Variants in CYB561D1 observed in about 807,000 individuals in gnomAD.
CYB561D1 encodes the protein probable transmembrane reductase CYB561D1.
In CYB561D1, 15 loss-of-function variants were observed where a neutral mutation model predicts 19.2. The observed-to-expected ratio is 0.78, with a 90% confidence interval of 0.52 to 1.20. The LOEUF (loss-of-function observed/expected upper bound fraction) is 1.20. Among genes scored for constraint, CYB561D1 ranks in the 50% most tolerant of loss-of-function variants. CYB561D1 has a pLI of 0.00. For synonymous variants in CYB561D1, 133 were observed against 120.6 expected (o/e 1.10, Z -0.68); for missense variants, 297 against 287.3 (o/e 1.03, Z -0.24).
intron 2 of CYB561D1, 28 bp downstream of exon 2, chr1:109,495,208 T>C (rs1462861004): frequency 1.2e-6 from 2 of 1,613,636 alleles, no homozygotes; most frequent in Non-Finnish European, 1.7e-6. Context: ...TCTGATTTGT[T>C]TGGGTATTCC....
chr1:109,494,128 C>G lies in CYB561D1; in HGVS notation c.-12C>G, dbSNP rs1268368575. The G allele has an allele frequency of 6.7e-7, 1 of 1,494,360 alleles. No individual in the cohort carries two copies. Among genetic ancestry groups the G allele is most frequent in the Non-Finnish European group, 9.0e-7 (1 of 1,116,796 alleles). The allele number at this position is 1,494,360 out of a possible 1,614,324, so 92.6% of individuals were successfully genotyped here. The stretch of plus-strand genomic sequence containing the variant: ...CGGGCAGCTGGAGTGTACGGGCCCG[C>G]GGGCCACGGCCATGCAGCCCCTGGA... On this transcript the variant is annotated 5_prime_UTR_variant, in exon 1 of 3. Coordinates refer to ENST00000420578, the MANE Select transcript of CYB561D1 (RefSeq NM_182580.3).
Position 109,494,244 on chromosome 1 carries a change from G to A in CYB561D1, c.105G>A (p.Leu35=), listed in dbSNP as rs1240283623. ...GSGILAHLVA[L]GFTIFLTALS... ...GGATCTTGGCGCACCTGGTAGCTTT[G>A]GGCTTCACCATCTTTCTGACAGCGC... is the stretch of plus-strand genomic sequence containing the variant. The change falls in exon 1 of 3, where the codon TTG becomes TTA. Residue 35 remains leucine (L), a synonymous_variant. Coordinates refer to ENST00000420578, the MANE Select transcript of CYB561D1 (RefSeq NM_182580.3). 2.5e-6 allele frequency: 4 copies of A among 1,583,294 alleles called. No homozygotes were observed. Among genetic ancestry groups the A allele is most frequent in the South Asian group, 1.2e-5 (1 of 86,628 alleles).
chr1:109,495,431 A>G (rs1007953735), intron 2 of CYB561D1, among the ~76,000 whole-genome samples: 2 of 152,056 alleles, frequency 1.3e-5, no homozygotes, highest in African/African-American at 2.4e-5. Context: ...CGGAAAGGAG[A>G]AGGGGGGAGA....
chr1:109,498,932 A>C lies in CYB561D1; in HGVS notation c.*2673A>C, dbSNP rs959883625. On this transcript the variant is annotated 3_prime_UTR_variant, in exon 3 of 3. Transcript: ENST00000420578. ...GTCATTTGCACAAATTTTCATATCAAGCTAAGTCCTGATTCCAAATTTGAT... is the reference window on the plus strand; with the variant it reads ...GTCATTTGCACAAATTTTCATATCACGCTAAGTCCTGATTCCAAATTTGAT... The C allele has an allele frequency of 2.6e-5, 4 of 152,016 alleles. No individual in the cohort carries two copies. Among genetic ancestry groups the C allele is most frequent in the African/African-American group, 9.7e-5 (4 of 41,368 alleles). 9.4% of individuals were successfully genotyped at this position (152,016 alleles called of 1,614,324 possible).
In CYB561D1 at chr1:109,499,717, G is replaced by C. The variant is rs1288203857; in HGVS notation, c.*3458G>C. The C allele has an allele frequency of 2.6e-5, 4 of 152,222 alleles. No homozygotes were observed. Among genetic ancestry groups the C allele is most frequent in the African/African-American group, 7.2e-5 (3 of 41,442 alleles). The allele number at this position is 152,222 out of a possible 1,614,324, so 9.4% of individuals were successfully genotyped here. ...ATCCTCCCTAAGCCAGCTGGCCGCT[G>C]TGCTAAAGCCTGTTCAGAGTTAATA... On this transcript the variant is annotated 3_prime_UTR_variant, in exon 3 of 3. Coordinates refer to ENST00000420578, the MANE Select transcript of CYB561D1 (RefSeq NM_182580.3).
chr1:109,494,829 T>C lies in CYB561D1; in HGVS notation c.149-314T>C, dbSNP rs552608640. 4.1e-5 allele frequency among the ~76,000 whole-genome samples: 6 copies of C among 148,084 alleles called. 1 individual carries two copies. In the East Asian group the frequency reaches 1.2e-3, roughly 29 times the overall value. Reference sequence around the variant, plus strand: ...TCCACCCTGTGCGACAGAGCGAGACTCCGTATCAAAAAAAAAACAAAAAAC... The same window carrying C: ...TCCACCCTGTGCGACAGAGCGAGACCCCGTATCAAAAAAAAAACAAAAAAC... On this transcript the variant is annotated intron_variant, in intron 1 of 2. Transcript: ENST00000420578.
At position 109,495,958 on chromosome 1, in the gene CYB561D1, TGGGA is replaced by T. The variant is rs778376305; in HGVS notation, c.391_394del (p.Gly131ProfsTer2). 1.9e-6 allele frequency: 3 copies of T among 1,613,216 alleles called. No individual in the cohort carries two copies. The highest frequency in any genetic ancestry group is 1.3e-5 in the African/African-American group (1 of 74,936). ...CATCTGGTGTCCTGGCACAGCTGGGTGGGAGCCCTGACACTGCTGGCCACTGCTG... is the reference window on the plus strand; with the variant it reads ...CATCTGGTGTCCTGGCACAGCTGGGTGCCCTGACACTGCTGGCCACTGCTG... On this transcript the variant is annotated frameshift_variant, in exon 3 of 3. Transcript: ENST00000420578. LOFTEE classifies it high-confidence loss of function.
chr1:109,495,237 G>C, intron 2 of CYB561D1, 57 bp downstream of exon 2: 1 of 1,587,808 alleles, frequency 6.3e-7, no homozygotes, highest in Non-Finnish European at 8.6e-7. Flanking sequence ...TTCTCCCAGG[G>C]AAGCACCCAG....
Position 109,496,926 on chromosome 1 carries a change from AT to A in CYB561D1, c.*670del, listed in dbSNP as rs2101051391. The A allele has an allele frequency of 6.5e-6, 1 of 152,754 alleles. No homozygotes were observed. The highest frequency in any genetic ancestry group is 1.9e-4 in the East Asian group (1 of 5,180). The allele number at this position is 152,754 out of a possible 1,614,324, so 9.5% of individuals were successfully genotyped here. On this transcript the variant is annotated 3_prime_UTR_variant, in exon 3 of 3. Coordinates refer to ENST00000420578, the MANE Select transcript of CYB561D1 (RefSeq NM_182580.3). Reference sequence around the variant, plus strand: ...GCTCTGCCCTTGAGGCCCTTCAGAAATTTGTGCTGATTTGGTCCCTGTGCCA... The same window carrying A: ...GCTCTGCCCTTGAGGCCCTTCAGAAATTGTGCTGATTTGGTCCCTGTGCCA...
At position 109,495,755 on chromosome 1, in the gene CYB561D1, G is replaced by C; in HGVS notation, c.187-1G>C. On this transcript the variant is annotated splice_acceptor_variant, in intron 2 of 2. Coordinates refer to ENST00000420578, the MANE Select transcript of CYB561D1 (RefSeq NM_182580.3). LOFTEE classifies it high-confidence loss of function. ...TTACTGGCTCTCTCCTATGTTCACA[G>C]TTCTGCCTCTGCATGGCTGAAGCCA... 4 of 1,614,222 alleles carry C rather than the reference G, an allele frequency of 2.5e-6. No individual in the cohort carries two copies. The highest frequency in any genetic ancestry group is 3.4e-6 in the Non-Finnish European group (4 of 1,180,040).
In CYB561D1 at chr1:109,495,761, C is replaced by T; in HGVS notation, c.192C>T (p.Cys64=). The part of the protein sequence containing the change: ...WHPVFMALAF[C]LCMAEAILLF... ...GCTCTCTCCTATGTTCACAGTTCTG[C>T]CTCTGCATGGCTGAAGCCATCCTAC... Residue 64 remains cysteine (C), a synonymous_variant, in exon 3 of 3, where the codon TGC becomes TGT. Transcript: ENST00000420578. 6.2e-7 allele frequency: 1 copy of T among 1,614,216 alleles called. No individual in the cohort carries two copies. The highest frequency in any genetic ancestry group is 2.2e-5 in the East Asian group (1 of 44,890).
intron 1 of CYB561D1, chr1:109,494,710 G>T (rs761168418): frequency 9.3e-6 from 6 of 642,828 alleles, no homozygotes; most frequent in Non-Finnish European, 1.4e-5. Flanking sequence ...GATGGCGCGC[G>T]CCTGTAGTTC....
rs537499238 is a variant in CYB561D1, at chr1:109,498,965, C to T, written c.*2706C>T. 9.6e-4 allele frequency: 146 copies of T among 151,912 alleles called. No homozygotes were observed. Among genetic ancestry groups the T allele is most frequent in the African/African-American group, 3.5e-3 (144 of 41,382 alleles). 9.4% of individuals were successfully genotyped at this position (151,912 alleles called of 1,614,324 possible). On this transcript the variant is annotated 3_prime_UTR_variant, in exon 3 of 3. Coordinates refer to ENST00000420578, the MANE Select transcript of CYB561D1 (RefSeq NM_182580.3). ...CCTGATTCCAAATTTGATTATATTC[C>T]AAATTTGATTATATTCCAAATTTGA...
rs753394425 is a variant in CYB561D1, at chr1:109,494,542, T to C, written c.148+255T>C. 32 of 1,489,338 alleles carry C rather than the reference T, an allele frequency of 2.1e-5. No homozygotes were observed. The South Asian group carries it at 2.3e-4, about 11-fold the overall frequency. 92.3% of individuals were successfully genotyped at this position (1,489,338 alleles called of 1,614,324 possible). A position where few individuals can be genotyped will look rare whatever the true frequency, so the allele number is the denominator to read the frequency against. On this transcript the variant is annotated intron_variant, in intron 1 of 2. Coordinates refer to ENST00000420578, the MANE Select transcript of CYB561D1 (RefSeq NM_182580.3). ...CAGAAACAGGTCCCCTGATGGAGGA[T>C]AGAAGTGAAGGAGGCCGGGCGCGGT...
Position 109,496,180 on chromosome 1 carries a change from C to G in CYB561D1, c.611C>G (p.Ala204Gly). ...IKGAAWYLCL[A>G]LPVYPALVIM... Reference sequence around the variant, plus strand: ...GGTGCGGCCTGGTACCTGTGCCTGGCACTGCCCGTCTATCCAGCCCTGGTG... The same window carrying G: ...GGTGCGGCCTGGTACCTGTGCCTGGGACTGCCCGTCTATCCAGCCCTGGTG... The change falls in exon 3 of 3, where the codon GCA (alanine) becomes GGA (glycine). Residue 204 changes from alanine to glycine, a missense_variant. Ala to Gly is a moderately conservative substitution (Grantham distance 60). Transcript: ENST00000420578. 6.2e-7 allele frequency: 1 copy of G among 1,610,440 alleles called. No homozygotes were observed. Among genetic ancestry groups the G allele is most frequent in the Non-Finnish European group, 8.5e-7 (1 of 1,176,912 alleles).
chr1:109,497,462 ACT>A lies in CYB561D1; in HGVS notation c.*1208_*1209del, dbSNP rs1202571564. ...GTGCCAGCTGGCAAATGAGGGCTGG[ACT>A]CTCTTCCCTCCAGAGACCACCCCGC... On this transcript the variant is annotated 3_prime_UTR_variant, in exon 3 of 3. Coordinates refer to ENST00000420578, the MANE Select transcript of CYB561D1 (RefSeq NM_182580.3). 6.6e-6 allele frequency: 1 copy of A among 151,274 alleles called. No homozygotes were observed. Among genetic ancestry groups the A allele is most frequent in the Non-Finnish European group, 1.5e-5 (1 of 67,890 alleles). 9.4% of individuals were successfully genotyped at this position (151,274 alleles called of 1,614,324 possible). A position where few individuals can be genotyped will look rare whatever the true frequency, so the allele number is the denominator to read the frequency against.
At position 109,494,192 on chromosome 1, in the gene CYB561D1, T is replaced by C; in HGVS notation, c.53T>C (p.Leu18Pro). Residue 18 changes from leucine to proline, a missense_variant, in exon 1 of 3, where the codon CTG becomes CCG. By Grantham distance (98) the Leu-to-Pro change is moderately conservative. Transcript: ENST00000420578. ...LVPAPAGEPR[L>P]TRWLRRGSGI... ...CCCGCTCCAGCTGGGGAGCCGAGAC[T>C]GACCCGCTGGCTGCGGAGAGGCAGT... The C allele has an allele frequency of 6.4e-7, 1 of 1,557,436 alleles. No individual in the cohort carries two copies. The highest frequency in any genetic ancestry group is 8.7e-7 in the Non-Finnish European group (1 of 1,150,264).
Position 109,496,445 on chromosome 1 carries a change from TG to T in CYB561D1, c.*189del, listed in dbSNP as rs1412995018. On this transcript the variant is annotated 3_prime_UTR_variant, in exon 3 of 3. Coordinates refer to ENST00000420578, the MANE Select transcript of CYB561D1 (RefSeq NM_182580.3). ...AGTGGGTCAAAATGGGGAGATGTACTGGGTATGAGTGGAAGGTGATGGAGAG... is the reference window on the plus strand; with the variant it reads ...AGTGGGTCAAAATGGGGAGATGTACTGGTATGAGTGGAAGGTGATGGAGAG... 3.4e-6 allele frequency: 2 copies of T among 581,236 alleles called. No individual in the cohort carries two copies. Among genetic ancestry groups the T allele is most frequent in the Non-Finnish European group, 5.7e-6 (2 of 352,366 alleles). The allele number at this position is 581,236 out of a possible 1,614,324, so 36.0% of individuals were successfully genotyped here. A position where few individuals can be genotyped will look rare whatever the true frequency, so the allele number is the denominator to read the frequency against.
In CYB561D1 at chr1:109,494,240, C is replaced by A. The variant is rs1465167633; in HGVS notation, c.101C>A (p.Ala34Asp). ...RGSGILAHLV[A>D]LGFTIFLTAL... ...AGTGGGATCTTGGCGCACCTGGTAG[C>A]TTTGGGCTTCACCATCTTTCTGACA... The change falls in exon 1 of 3, where the codon GCT becomes GAT. Residue 34 changes from alanine to aspartate, a missense_variant. Ala to Asp is a moderately radical substitution (Grantham distance 126). Transcript: ENST00000420578. The A allele has an allele frequency of 6.3e-7, 1 of 1,581,028 alleles. No homozygotes were observed. Among genetic ancestry groups the A allele is most frequent in the East Asian group, 2.3e-5 (1 of 43,100 alleles).
Sources: allele counts gnomAD v4.1 joint callset (sites outside exome capture counted in the v4.1 genomes callset), GRCh38; gene constraint gnomAD v4.1.1; transcripts MANE v1.5; gene names NCBI Gene and HGNC (gene_info 2026-07-23, HGNC 2026-07-21).